RTL9: variants seen among roughly 807,000 people sequenced by gnomAD.
The protein encoded by RTL9 is retrotransposon Gag-like protein 9.
In RTL9, 19 loss-of-function variants were observed where a neutral mutation model predicts 44.7. The observed-to-expected ratio is 0.42, with a 90% confidence interval of 0.30 to 0.62. RTL9 has a LOEUF of 0.62. RTL9 is among the 20% of genes least tolerant of loss of function. The pLI, the probability that RTL9 is intolerant of heterozygous loss-of-function variation, is 0.16. For missense variants in RTL9, 1,105 were observed against 1,080.6 expected (o/e 1.02, Z -0.32); for synonymous variants, 407 against 398.9 (o/e 1.02, Z -0.24).
intron 1 of RTL9, among the ~76,000 whole-genome samples, chrX:110,367,973 A>AATTATT (rs201193443): frequency 0.14 from 12,043 of 85,136 alleles, 815 homozygotes; most frequent in Middle Eastern, 0.22. Flanking sequence ...AGTGCTGGCT[A>AATTATT]ATTATTATTA....
At chrX:110,361,389 TCTC>T (rs773340432) in intron 1 of RTL9, among the ~76,000 whole-genome samples, 360 of 111,651 alleles carry the variant, frequency 3.2e-3, no homozygotes, top group African/African-American at 0.011. Flanking sequence ...TCTCAACTGT[TCTC>T]CTTGCTTCTG....
chrX:110,359,728 G>A (rs1311903631), intron 1 of RTL9, among the ~76,000 whole-genome samples: 1 of 111,844 alleles, frequency 8.9e-6, no homozygotes, highest in Non-Finnish European at 1.9e-5. Context: ...TTGCTCTTAA[G>A]CAACAGACAA....
intron 1 of RTL9, among the ~76,000 whole-genome samples, chrX:110,385,142 T>A (rs1461259793): frequency 9.0e-6 from 1 of 111,409 alleles, no homozygotes; most frequent in Non-Finnish European, 1.9e-5. Context: ...CAACTAGCTG[T>A]GAGACCTCAG....
rs188623114 is a variant in RTL9 at position 110,451,780 on chromosome X, C to T, written c.1163C>T (p.Pro388Leu). The change falls in exon 1 of 2, where the codon CCG (proline) becomes CTG (leucine). Residue 388 changes from proline (P) to leucine (L), a missense_variant. Transcript: ENST00000540313. Reference sequence around the variant, plus strand: ...GTAGACTCTGAAATGATGTCTAATCCGCCAGTGAGAGCAACAGCCTCTGGG... The same window carrying T: ...GTAGACTCTGAAATGATGTCTAATCTGCCAGTGAGAGCAACAGCCTCTGGG... The T allele has an allele frequency of 6.1e-5, 74 of 1,209,829 alleles. No homozygotes were observed. In the East Asian group the frequency reaches 7.1e-4, roughly 12 times the overall value.
intron 1 of RTL9, among the ~76,000 whole-genome samples, chrX:110,409,924 T>A (rs2068630039): frequency 2.7e-5 from 3 of 111,867 alleles, no homozygotes; most frequent in Admixed American, 1.9e-4. Context: ...CAAACCTGGC[T>A]GTACAATGGA....
chrX:110,439,011 C>T (rs1302547575), intron 1 of RTL9, among the ~76,000 whole-genome samples: 1 of 112,048 alleles, frequency 8.9e-6, no homozygotes, highest in Non-Finnish European at 1.9e-5. Context: ...ATATTTCTCC[C>T]GCTCACCTCC....
intron 1 of RTL9, among the ~76,000 whole-genome samples, chrX:110,412,970 A>AG (rs200866805): frequency 0.039 from 4,314 of 111,905 alleles, 215 homozygotes; most frequent in African/African-American, 0.14. Flanking sequence ...AAAGATGTAA[A>AG]GGGAAAAAAA....
intron 1 of RTL9, among the ~76,000 whole-genome samples, chrX:110,406,102 T>C (rs1308618558): frequency 1.8e-5 from 2 of 110,399 alleles, no homozygotes; most frequent in African/African-American, 6.6e-5. Context: ...TCAAGGAAGG[T>C]TCTGGAAAGT....
chrX:110,404,677 G>A (rs2068586353), intron 1 of RTL9, among the ~76,000 whole-genome samples: 1 of 111,509 alleles, frequency 9.0e-6, no homozygotes, highest in Middle Eastern at 4.2e-3. Context: ...TGCGCATCAT[G>A]TGCCTTTTCT....
chrX:110,436,876 C>A (rs1406587932), intron 1 of RTL9, among the ~76,000 whole-genome samples: 1 of 111,647 alleles, frequency 9.0e-6, no homozygotes, highest in Non-Finnish European at 1.9e-5. Flanking sequence ...CAGAGTGATG[C>A]CATAGCTGCA....
chrX:110,401,136 G>A (rs2068561755), intron 1 of RTL9, among the ~76,000 whole-genome samples: 1 of 112,409 alleles, frequency 8.9e-6, no homozygotes, highest in African/African-American at 3.2e-5. Context: ...ATTCAGAGGA[G>A]TAACAAAGAT....
chrX:110,451,491 G>T, exon 1 of RTL9: 1 of 1,211,765 alleles, frequency 8.3e-7, no homozygotes, highest in Non-Finnish European at 1.1e-6. Flanking sequence ...CCAAAACTCT[G>T]GGGGAATACC....
At chrX:110,389,565 A>AT (rs1297333396) in intron 1 of RTL9, among the ~76,000 whole-genome samples, 2 of 111,746 alleles carry the variant, frequency 1.8e-5, no homozygotes, top group East Asian at 5.6e-4. Context: ...CACACAATCA[A>AT]TTTTTTTAAA....
At position 110,390,595 on chromosome X, in the gene RTL9, G is replaced by A. The variant is rs989702605; in HGVS notation, c.-168+31679G>A. Among the ~76,000 whole-genome samples, 3 of 111,413 alleles carry A rather than the reference G, an allele frequency of 2.7e-5. No homozygotes were observed. The Admixed American group carries it at 2.9e-4, about 11-fold the overall frequency. The stretch of plus-strand genomic sequence containing the variant: ...CTACTGTAGATCCAAAAAACAGAGG[G>A]CTAAATAGAAATTCCACTTGCTGTC... On this transcript the variant is annotated intron_variant, in intron 1 of 2. Transcript: ENST00000520821.
At chrX:110,413,991 G>A (rs776546705) in intron 1 of RTL9, among the ~76,000 whole-genome samples, 4 of 112,021 alleles carry the variant, frequency 3.6e-5, no homozygotes, top group African/African-American at 1.3e-4. Flanking sequence ...GAGAGGTTGA[G>A]TGACTTACCC....
chrX:110,390,503 T>C (rs2068487352), intron 1 of RTL9, among the ~76,000 whole-genome samples: 1 of 111,896 alleles, frequency 8.9e-6, no homozygotes, highest in African/African-American at 3.2e-5. Context: ...AAATATTTTA[T>C]CTTGAAATCA....
exon 1 of RTL9, chrX:110,453,174 A>G: frequency 8.3e-7 from 1 of 1,211,061 alleles, no homozygotes. Context: ...AACAAGATCC[A>G]CAGCCTCTGG....
chrX:110,394,809 G>A (rs1034456504), intron 1 of RTL9, among the ~76,000 whole-genome samples: 2 of 112,869 alleles, frequency 1.8e-5, no homozygotes, highest in Non-Finnish European at 3.7e-5. Context: ...GTAAGTTGCA[G>A]CACTAGCTTC....
intron 1 of RTL9, among the ~76,000 whole-genome samples, chrX:110,397,955 G>A (rs2068539393): frequency 8.9e-6 from 1 of 112,335 alleles, no homozygotes; most frequent in Admixed American, 9.4e-5. Context: ...TTAAGGAAAA[G>A]GGTGTGGGTG....
Sources: allele counts gnomAD v4.1 joint callset (sites outside exome capture counted in the v4.1 genomes callset), GRCh38; gene constraint gnomAD v4.1.1; transcripts MANE v1.5; gene names NCBI Gene and HGNC (gene_info 2026-07-23, HGNC 2026-07-21).